ZNF333: variants seen among roughly 807,000 people sequenced by gnomAD.
ZNF333 encodes the protein zinc finger protein 333.
In ZNF333, 61 loss-of-function variants were observed where a neutral mutation model predicts 76.1. That is an observed-to-expected ratio of 0.80 (90% CI 0.65 to 0.99). The LOEUF (loss-of-function observed/expected upper bound fraction) is 0.99. Among genes scored for constraint, ZNF333 ranks in the 50% least tolerant of loss-of-function variants. ZNF333 has a pLI of 0.00. For synonymous variants in ZNF333, 284 were observed against 305.0 expected, an observed-to-expected ratio of 0.93 and a Z score of 0.72; for missense variants, 717 against 822.4, an observed-to-expected ratio of 0.87 and a Z score of 1.57.
chr19:14,731,412 G>A, exon 12 of ZNF333: 1 of 572,422 alleles, frequency 1.7e-6, no homozygotes, highest in Non-Finnish European at 3.1e-6. Context: ...CTTCCGGATT[G>A]TAGGTTCCCC....
rs1385834758 is a variant in ZNF333, at chr19:14,716,124, T to C, written c.613T>C (p.Phe205Leu). 6.2e-7 allele frequency: 1 copy of C among 1,614,148 alleles called. No individual in the cohort carries two copies. The highest frequency in any genetic ancestry group is 8.5e-7 in the Non-Finnish European group (1 of 1,180,002). Residue 205 changes from phenylalanine (F) to leucine (L), a missense_variant, in exon 9 of 12, where the codon TTT becomes CTT. Physicochemically the swap from Phe to Leu is conservative, Grantham distance 22. Coordinates refer to ENST00000292530, the MANE Select transcript of ZNF333 (RefSeq NM_032433.4). The part of the protein sequence containing the change: ...PTACSQEPVT[F>L]ADVAVVFTPE... The stretch of plus-strand genomic sequence containing the variant: ...ATGTGTGTTTTAGGAACCAGTCACC[T>C]TTGCAGATGTGGCTGTGGTGTTCAC...
chr19:14,720,496 G>C lies in ZNF333; in HGVS notation c.*1171G>C. 1 of 985,414 alleles carries C rather than the reference G, an allele frequency of 1.0e-6. No homozygotes were observed. Among genetic ancestry groups the C allele is most frequent in the Non-Finnish European group, 1.2e-6 (1 of 829,936 alleles). 61.0% of individuals were successfully genotyped at this position (985,414 alleles called of 1,614,324 possible). On this transcript the variant is annotated 3_prime_UTR_variant, in exon 12 of 12. Coordinates refer to ENST00000292530, the MANE Select transcript of ZNF333 (RefSeq NM_032433.4). ...TGTAATCTAAAAAATATTTAGGATA[G>C]ATTTAATAGAATTGGCATATTTATG...
chr19:14,701,964 C>CAG, intron 5 of ZNF333: 2 of 930,112 alleles, frequency 2.2e-6, no homozygotes, highest in South Asian at 4.9e-5. Flanking sequence ...CTGTCAGGTT[C>CAG]TACTGCCTGA....
chr19:14,694,655 A>T (rs3915403), intron 2 of ZNF333, among the ~76,000 whole-genome samples: 54,917 of 151,932 alleles, frequency 0.36, 10,500 homozygotes, highest in East Asian at 0.61. Context: ...CTCTCTAAGC[A>T]GGGAGGGACA....
downstream of ZNF333, among the ~76,000 whole-genome samples, chr19:14,725,951 G>A (rs1164175153): frequency 1.3e-5 from 2 of 152,190 alleles, no homozygotes; most frequent in South Asian, 4.1e-4. Flanking sequence ...TCTTGTGGGG[G>A]TACGGGGGAA....
At chr19:14,723,908 A>G (rs931830446), downstream of ZNF333, among the ~76,000 whole-genome samples, 2 of 152,178 alleles carry the variant, frequency 1.3e-5, no homozygotes, top group African/African-American at 4.8e-5. Context: ...TATTATGGGT[A>G]TATTATGGGC....
At position 14,718,996 on chromosome 19, in the gene ZNF333, A is replaced by G; in HGVS notation, c.1669A>G (p.Thr557Ala). 1 of 1,614,184 alleles carries G rather than the reference A, an allele frequency of 6.2e-7. No individual in the cohort carries two copies. Among genetic ancestry groups the G allele is most frequent in the Non-Finnish European group, 8.5e-7 (1 of 1,180,024 alleles). ...STLKSHMRTH[T>A]GEKPYVCQEC... ...CCTGAAGAGTCACATGCGAACTCAC[A>G]CTGGAGAGAAGCCCTATGTGTGCCA... Residue 557 changes from threonine to alanine, a missense_variant, in exon 12 of 12, where the codon ACT (threonine) becomes GCT (alanine). Thr to Ala is a moderately conservative substitution (Grantham distance 58). Transcript: ENST00000292530.
At chr19:14,701,742 G>A in intron 5 of ZNF333, 4 of 985,584 alleles carry the variant, frequency 4.1e-6, no homozygotes, top group Non-Finnish European at 4.8e-6. Flanking sequence ...AATGGGTGCT[G>A]AGAGTGGCAG....
intron 5 of ZNF333, among the ~76,000 whole-genome samples, chr19:14,700,933 G>T (rs1658088458): frequency 6.6e-6 from 1 of 152,142 alleles, no homozygotes; most frequent in South Asian, 2.1e-4. Context: ...GAAGCTTCTG[G>T]AACACAGAGA....
chr19:14,708,586 G>A (rs945762367), intron 7 of ZNF333: 6 of 375,148 alleles, frequency 1.6e-5, no homozygotes, highest in Non-Finnish European at 2.8e-5. Context: ...CTGCAGCACT[G>A]CTGATAATGG....
At chr19:14,705,428 C>T (rs1388100512) in intron 6 of ZNF333, among the ~76,000 whole-genome samples, 1 of 152,132 alleles carries the variant, frequency 6.6e-6, no homozygotes, top group Non-Finnish European at 1.5e-5. Context: ...CTGGTCCAGC[C>T]TTTTTTCTTC....
intron 5 of ZNF333, among the ~76,000 whole-genome samples, chr19:14,703,485 T>C (rs753861793): frequency 6.6e-6 from 1 of 152,160 alleles, no homozygotes; most frequent in Non-Finnish European, 1.5e-5. Flanking sequence ...ATGGAAACAT[T>C]TGTCTCAAAA....
Position 14,718,681 on chromosome 19 carries a change from T to C in ZNF333, c.1354T>C (p.Cys452Arg). 3 of 1,613,868 alleles carry C rather than the reference T, an allele frequency of 1.9e-6. No homozygotes were observed. Among genetic ancestry groups the C allele is most frequent in the Non-Finnish European group, 1.7e-6 (2 of 1,179,998 alleles). Residue 452 changes from cysteine (C) to arginine (R), a missense_variant, in exon 12 of 12, where the codon TGT (cysteine) becomes CGT (arginine). By Grantham distance (180) the Cys-to-Arg change is radical. Transcript: ENST00000292530. The stretch of plus-strand genomic sequence containing the variant: ...CCACACAGGAGAGAAGCCCTACGAG[T>C]GTAAAGATTGTGGGAAAGCCTTCAA... The part of the protein sequence containing the change: ...RNHTGEKPYE[C>R]KDCGKAFNQP...
chr19:14,715,622 G>A (rs746640394), intron 8 of ZNF333, 152 bp downstream of exon 8: 1 of 699,114 alleles, frequency 1.4e-6, no homozygotes, highest in Non-Finnish European at 2.4e-6. Context: ...AAGGGAGCAT[G>A]GGCCATGATC....
intron 10 of ZNF333, chr19:14,717,441 C>T (rs1568553957): frequency 1.1e-5 from 6 of 563,558 alleles, no homozygotes; most frequent in Non-Finnish European, 1.6e-5. Context: ...ATTTCCTTCC[C>T]ATGTTCCTCT....
chr19:14,724,033 G>T (rs532636927), downstream of ZNF333, among the ~76,000 whole-genome samples: 7 of 152,232 alleles, frequency 4.6e-5, no homozygotes, highest in African/African-American at 1.4e-4. Flanking sequence ...CTATGCTCTT[G>T]CCTATCTCTT....
At chr19:14,707,793 C>T (rs376550894) in intron 7 of ZNF333, 58 of 312,006 alleles carry the variant, frequency 1.9e-4, no homozygotes, top group African/African-American at 9.4e-4. Flanking sequence ...CCTCGTGATC[C>T]GCCCGCCTCG....
At chr19:14,713,301 A>G (rs998089850) in intron 7 of ZNF333, among the ~76,000 whole-genome samples, 1 of 152,196 alleles carries the variant, frequency 6.6e-6, no homozygotes, top group Non-Finnish European at 1.5e-5. Flanking sequence ...GGCAAATGCT[A>G]TGAGGTTTCC....
chr19:14,703,408 C>T (rs1002203447), intron 5 of ZNF333, among the ~76,000 whole-genome samples: 11 of 152,052 alleles, frequency 7.2e-5, no homozygotes, highest in South Asian at 2.1e-4. Flanking sequence ...CATATTTGTT[C>T]GACAAATAGG....
Sources: allele counts gnomAD v4.1 joint callset (sites outside exome capture counted in the v4.1 genomes callset), GRCh38; gene constraint gnomAD v4.1.1; transcripts MANE v1.5; gene names NCBI Gene and HGNC (gene_info 2026-07-23, HGNC 2026-07-21).